ROR1: variants seen among roughly 807,000 people sequenced by gnomAD.
The protein encoded by ROR1 is inactive tyrosine-protein kinase transmembrane receptor ROR1.
In ROR1, 19 loss-of-function variants were observed where a neutral mutation model predicts 78.8. The observed-to-expected ratio is 0.24, with a 90% CI of 0.17 to 0.35. ROR1 has a LOEUF of 0.35. Ranked by LOEUF, ROR1 falls within the 10% of genes least tolerant of loss-of-function variation. ROR1 has a pLI of 1.00. For synonymous variants in ROR1, 386 were observed against 433.6 expected, an observed-to-expected ratio of 0.89 and a Z score of 1.36; for missense variants, 917 against 1,177.8, an observed-to-expected ratio of 0.78 and a Z score of 3.24.
intron 1 of ROR1, among the ~76,000 whole-genome samples, chr1:63,909,820 C>T (rs550513935): frequency 1.3e-5 from 2 of 152,038 alleles, no homozygotes; most frequent in Non-Finnish European, 2.9e-5. Context: ...TGTTTATTCG[C>T]CTCAGTCTCA....
rs1232568707 is a variant in ROR1 at position 64,177,696 on chromosome 1, T to C, written c.1655T>C (p.Phe552Ser). 1.2e-6 allele frequency: 2 copies of C among 1,614,212 alleles called. No individual in the cohort carries two copies. The change falls in exon 9 of 9, where the codon TTT (phenylalanine) becomes TCT (serine). Residue 552 changes from phenylalanine (F) to serine (S), a missense_variant. By Grantham distance (155) the Phe-to-Ser change is radical. This residue lies in a region of ROR1 where 835 missense variants were observed against 1,069.8 expected (regional missense o/e 0.78). Coordinates refer to ENST00000371079, the MANE Select transcript of ROR1 (RefSeq NM_005012.4). ...CAGGAACAACCTGTGTGCATGCTTT[T>C]TGAGTATATTAATCAGGGGGATCTC... ...VTQEQPVCMLFEYINQGDLHE... is the reference protein window; with the variant it reads ...VTQEQPVCMLSEYINQGDLHE...
intron 1 of ROR1, among the ~76,000 whole-genome samples, chr1:63,928,621 A>G (rs1337975640): frequency 6.6e-6 from 1 of 152,188 alleles, no homozygotes; most frequent in Non-Finnish European, 1.5e-5. Flanking sequence ...ACCTGCTCTC[A>G]GTCTCTCCTA....
intron 2 of ROR1, among the ~76,000 whole-genome samples, chr1:64,044,087 C>T (rs779173248): frequency 6.6e-6 from 1 of 152,154 alleles, no homozygotes; most frequent in Non-Finnish European, 1.5e-5. Flanking sequence ...CTGACACAAT[C>T]GCTTGGGATT....
chr1:63,955,816 A>C (rs891992485), intron 1 of ROR1, among the ~76,000 whole-genome samples: 2 of 152,156 alleles, frequency 1.3e-5, no homozygotes, highest in African/African-American at 4.8e-5. Context: ...CCGTTATCCC[A>C]AGTACATTGC....
At chr1:63,849,246 C>T (rs1460212920) in intron 1 of ROR1, among the ~76,000 whole-genome samples, 1 of 152,122 alleles carries the variant, frequency 6.6e-6, no homozygotes, top group Non-Finnish European at 1.5e-5. Context: ...TTTCTGTTTT[C>T]ATTAACCAAA....
rs368997703 is a variant in ROR1 at position 63,981,374 on chromosome 1, T to C, written c.92-27931T>C. Among the ~76,000 whole-genome samples, 68 of 152,202 alleles carry C rather than the reference T, an allele frequency of 4.5e-4. 2 individuals are homozygous for C. In the South Asian group the frequency reaches 0.014, roughly 31 times the overall value. Reference sequence around the variant, plus strand: ...AAGTCTGTCCTGAGACAGGGTGGCATTGGGGTGGAAGCCCAGGAAGGCTGA... The same window carrying C: ...AAGTCTGTCCTGAGACAGGGTGGCACTGGGGTGGAAGCCCAGGAAGGCTGA... On this transcript the variant is annotated intron_variant, in intron 1 of 8. Transcript: ENST00000371079.
chr1:63,830,496 G>T (rs1644980822), intron 1 of ROR1, among the ~76,000 whole-genome samples: 1 of 152,132 alleles, frequency 6.6e-6, no homozygotes, highest in African/African-American at 2.4e-5. Flanking sequence ...TGCTAAGAGA[G>T]AAGTGCCACT....
intron 1 of ROR1, among the ~76,000 whole-genome samples, chr1:63,992,163 T>C (rs955645190): frequency 2.6e-5 from 4 of 151,848 alleles, no homozygotes; most frequent in African/African-American, 9.7e-5. Flanking sequence ...ATGGAACAAA[T>C]ATCTGTGGAA....
At chr1:63,781,985 G>A (rs941674918) in intron 1 of ROR1, among the ~76,000 whole-genome samples, 3 of 152,118 alleles carry the variant, frequency 2.0e-5, no homozygotes, top group Non-Finnish European at 4.4e-5. Context: ...ATGTGGGGTT[G>A]GAAAGAATCA....
intron 1 of ROR1, among the ~76,000 whole-genome samples, chr1:63,797,398 G>A (rs1644767441): frequency 1.3e-5 from 2 of 152,184 alleles, no homozygotes; most frequent in Admixed American, 1.3e-4. Context: ...CTCTGGAGTA[G>A]CATGTGTGGG....
At chr1:63,896,934 A>G (rs1238857375) in intron 1 of ROR1, among the ~76,000 whole-genome samples, 2 of 152,224 alleles carry the variant, frequency 1.3e-5, no homozygotes, top group African/African-American at 4.8e-5. Context: ...CTTTGAGGTT[A>G]ATAATAACTA....
chr1:63,829,163 G>A (rs529566835), intron 1 of ROR1, among the ~76,000 whole-genome samples: 22 of 152,324 alleles, frequency 1.4e-4, no homozygotes, highest in Admixed American at 1.2e-3. Context: ...TGTGGTAATA[G>A]CTAATGCATT....
chr1:63,804,374 A>C (rs909771645), intron 1 of ROR1, among the ~76,000 whole-genome samples: 3 of 152,226 alleles, frequency 2.0e-5, no homozygotes, highest in African/African-American at 7.2e-5. Context: ...AGTGTTATAG[A>C]AGATGTTACC....
At chr1:63,861,347 T>A (rs1250260578) in intron 1 of ROR1, among the ~76,000 whole-genome samples, 2 of 152,226 alleles carry the variant, frequency 1.3e-5, no homozygotes, top group Non-Finnish European at 2.9e-5. Flanking sequence ...AATGTAAAAA[T>A]TGGCAGTAAC....
chr1:63,793,273 C>T (rs754344474), intron 1 of ROR1, among the ~76,000 whole-genome samples: 168 of 152,122 alleles, frequency 1.1e-3, no homozygotes, highest in Non-Finnish European at 1.6e-3. Context: ...GGTGAGGCAT[C>T]GTTGGCTTCT....
At chr1:64,146,347 G>A (rs938176738) in intron 7 of ROR1, among the ~76,000 whole-genome samples, 1 of 152,168 alleles carries the variant, frequency 6.6e-6, no homozygotes, top group African/African-American at 2.4e-5. Context: ...GTGGTGGCAT[G>A]CACCTGTAAT....
At chr1:64,067,382 C>T (rs1478257235) in intron 4 of ROR1, among the ~76,000 whole-genome samples, 1 of 137,974 alleles carries the variant, frequency 7.2e-6, no homozygotes, top group African/African-American at 2.7e-5. Context: ...GGAGGCCTGT[C>T]GCGGTGGCTC....
rs1646821702 is a variant in ROR1, at chr1:64,050,702, A to G, written c.468A>G (p.Ala156=). The G allele has an allele frequency of 3.1e-6, 5 of 1,613,802 alleles. No homozygotes were observed. Among genetic ancestry groups the G allele is most frequent in the Non-Finnish European group, 4.2e-6 (5 of 1,179,898 alleles). ...LFVKFGPPPT[A]SPGYSDEYEE... ...TTTCTTCAGGCCCCCCTCCCACTGC[A>G]AGTCCAGGATACTCGTAAGTACTTT... The change falls in exon 4 of 9, where the codon GCA becomes GCG. Residue 156 remains alanine, a synonymous_variant. Transcript: ENST00000371079.
chr1:64,062,637 C>T (rs892201642), intron 4 of ROR1, among the ~76,000 whole-genome samples: 1 of 152,056 alleles, frequency 6.6e-6, no homozygotes, highest in Admixed American at 6.6e-5. Context: ...AAGCACTGAC[C>T]TTTTTGCCTG....
Sources: allele counts gnomAD v4.1 joint callset (sites outside exome capture counted in the v4.1 genomes callset), GRCh38; gene constraint gnomAD v4.1.1; regional missense constraint gnomAD v4.1.1; transcripts MANE v1.5; gene names NCBI Gene and HGNC (gene_info 2026-07-23, HGNC 2026-07-21).